The following PCGF3 variants were observed in gnomAD, a reference collection of about 807,000 sequenced individuals.
PCGF3 encodes polycomb group RING finger protein 3.
A neutral mutation model predicts 33.1 loss-of-function variants in PCGF3; 7 were observed. The observed-to-expected ratio is 0.21, with a 90% CI of 0.12 to 0.40. The LOEUF is 0.40. Among genes scored for constraint, PCGF3 ranks in the 10% least tolerant of loss-of-function variants. The pLI, the probability that PCGF3 is intolerant of heterozygous loss-of-function variation, is 1.00. For synonymous variants in PCGF3, 153 were observed against 121.3 expected, an observed-to-expected ratio of 1.26 and a Z score of -1.72; for missense variants, 211 against 313.3, an observed-to-expected ratio of 0.67 and a Z score of 2.46.
At chr4:763,700 C>T (rs1745197198) in intron 9 of PCGF3, among the ~76,000 whole-genome samples, 1 of 152,212 alleles carries the variant, frequency 6.6e-6, no homozygotes, top group Non-Finnish European at 1.5e-5. Flanking sequence ...ACCCAGCAGC[C>T]ACACCTCGTC....
At chr4:708,641 G>A (rs1399837884) in intron 1 of PCGF3, among the ~76,000 whole-genome samples, 1 of 152,174 alleles carries the variant, frequency 6.6e-6, no homozygotes, top group African/African-American at 2.4e-5. Context: ...CCCTCGTCCG[G>A]GGCTGCTGTC....
chr4:710,615 T>G (rs1338816667), intron 1 of PCGF3, among the ~76,000 whole-genome samples: 1 of 152,268 alleles, frequency 6.6e-6, no homozygotes, highest in Admixed American at 6.5e-5. Flanking sequence ...TCTCTTTAAT[T>G]GGTGTGGGTT....
intron 1 of PCGF3, among the ~76,000 whole-genome samples, chr4:714,973 TGTGA>T (rs2109524825): frequency 6.9e-6 from 1 of 145,420 alleles, no homozygotes; most frequent in South Asian, 2.2e-4. Context: ...CTGTAGACGC[TGTGA>T]GTGTGAGAAC....
At chr4:722,706 C>T (rs1743147794) in intron 1 of PCGF3, among the ~76,000 whole-genome samples, 1 of 113,310 alleles carries the variant, frequency 8.8e-6, no homozygotes, top group African/African-American at 3.7e-5. Flanking sequence ...CCTGTCTGCG[C>T]TGGGTCCACA....
intron 9 of PCGF3, 151 bp downstream of exon 9, chr4:761,567 C>T (rs947827970): frequency 4.2e-5 from 57 of 1,352,758 alleles, no homozygotes; most frequent in Non-Finnish European, 5.2e-5. Context: ...CACCGGGGAG[C>T]GGGATAGGAG....
intron 8 of PCGF3, among the ~76,000 whole-genome samples, chr4:750,435 C>T (rs2152602838): frequency 6.6e-6 from 1 of 152,220 alleles, no homozygotes; most frequent in South Asian, 2.1e-4. Flanking sequence ...GCTGAGTTTG[C>T]TGGTTGGTGT....
chr4:756,129 G>A (rs1744758553), intron 8 of PCGF3, among the ~76,000 whole-genome samples: 1 of 151,342 alleles, frequency 6.6e-6, no homozygotes, highest in African/African-American at 2.4e-5. Flanking sequence ...TGATCAGGCT[G>A]GTCTTGAACT....
rs1035900743 is a variant in PCGF3, at chr4:721,983, G to C, written c.-189-8647G>C. ...GGCCTGTGGGAGGTGGATGGGTTGG[G>C]TGGCTCTGTGTGTGGGCGTGGAGAG... On this transcript the variant is annotated intron_variant, in intron 1 of 10. Coordinates refer to ENST00000362003, the Ensembl canonical transcript of PCGF3. This position sits in a 1 kb window ranked among gnomAD's most constrained non-coding sequence, Gnocchi z 4.1. Among the ~76,000 whole-genome samples the C allele has an allele frequency of 1.3e-5, 2 of 152,086 alleles. No individual in the cohort carries two copies. The highest frequency in any genetic ancestry group is 2.9e-5 in the Non-Finnish European group (2 of 67,992).
At chr4:713,082 T>C (rs2109517003) in intron 1 of PCGF3, among the ~76,000 whole-genome samples, 1 of 146,592 alleles carries the variant, frequency 6.8e-6, no homozygotes, top group Admixed American at 6.7e-5. Flanking sequence ...TGTGGCCAAG[T>C]GGGTCCTATG....
chr4:747,930 C>T (rs1416140433), intron 8 of PCGF3, among the ~76,000 whole-genome samples: 6 of 152,074 alleles, frequency 3.9e-5, no homozygotes, highest in African/African-American at 1.2e-4. Context: ...TAAAGCATGG[C>T]AGATATAAAA....
At chr4:716,448 A>C (rs1577396901) in intron 1 of PCGF3, among the ~76,000 whole-genome samples, 1 of 116,470 alleles carries the variant, frequency 8.6e-6, no homozygotes, top group Non-Finnish European at 1.7e-5. Context: ...CGGTGCTGGG[A>C]CCCTGTGGAC....
chr4:768,121 T>C (rs1448773029), exon 11 of PCGF3: 1 of 152,676 alleles, frequency 6.5e-6, no homozygotes, highest in Non-Finnish European at 1.5e-5. Flanking sequence ...GCTAAGCTGA[T>C]AGATTTAAAT....
chr4:731,173 T>C (rs918812755), intron 3 of PCGF3, 63 bp downstream of exon 3: 21 of 398,372 alleles, frequency 5.3e-5, no homozygotes, highest in Non-Finnish European at 4.4e-6. Flanking sequence ...CTGTTGCTGG[T>C]TGTGGCGAGG....
chr4:734,062 A>G (rs1341916349), intron 4 of PCGF3: 1 of 1,550,642 alleles, frequency 6.4e-7, no homozygotes, highest in Non-Finnish European at 8.7e-7. Context: ...CAAGGCCAGT[A>G]GCCGCTGTGA....
intron 9 of PCGF3, among the ~76,000 whole-genome samples, chr4:763,006 G>C (rs1302684427): frequency 6.6e-6 from 1 of 152,078 alleles, no homozygotes; most frequent in Admixed American, 6.5e-5. Context: ...AGCAGAGGCT[G>C]TCAGGTCATG....
chr4:761,868 G>C lies in PCGF3; in HGVS notation c.600+452G>C, dbSNP rs529518699. The C allele has an allele frequency of 3.0e-6, 3 of 985,438 alleles. No individual in the cohort carries two copies. The African/African-American group carries it at 5.2e-5, about 17-fold the overall frequency. The allele number at this position is 985,438 out of a possible 1,614,324, so 61.0% of individuals were successfully genotyped here. A position where few individuals can be genotyped will look rare whatever the true frequency, so the allele number is the denominator to read the frequency against. ...AGTGTGGGTCCCTGTGAGCCCCCAA[G>C]GCAGTGACACCATGGGGATGCAGGC... On this transcript the variant is annotated intron_variant, in intron 9 of 10. Transcript: ENST00000362003.
chr4:733,570 AG>A, intron 3 of PCGF3, 101 bp from the exon 4 acceptor site: 1 of 1,204,424 alleles, frequency 8.3e-7, no homozygotes, highest in South Asian at 1.5e-5. Flanking sequence ...CCCAGGCCTC[AG>A]GGCCTGCACT....
chr4:756,690 C>T (rs536792732), intron 8 of PCGF3, among the ~76,000 whole-genome samples: 2 of 152,152 alleles, frequency 1.3e-5, no homozygotes, highest in African/African-American at 4.8e-5. Context: ...GCCTTGGGTA[C>T]AGACCCAGTG....
At chr4:750,977 C>T (rs1271749679) in intron 8 of PCGF3, among the ~76,000 whole-genome samples, 2 of 152,114 alleles carry the variant, frequency 1.3e-5, no homozygotes, top group African/African-American at 4.8e-5. Flanking sequence ...GAGGCCTTTG[C>T]TTTGCTTTTT....
Sources: allele counts gnomAD v4.1 joint callset (sites outside exome capture counted in the v4.1 genomes callset), GRCh38; gene constraint gnomAD v4.1.1; non-coding constraint Gnocchi (gnomAD v3.1); transcripts MANE v1.5; gene names NCBI Gene and HGNC (gene_info 2026-07-23, HGNC 2026-07-21).